ARHGAP15: variants seen among roughly 807,000 people sequenced by gnomAD.
ARHGAP15 encodes Rho GTPase activating protein 15.
ARHGAP15 carries 51 observed loss-of-function variants against 63.7 expected under a neutral mutation model. The observed-to-expected ratio is 0.80, with a 90% CI of 0.64 to 1.01. The LOEUF is 1.01. Among genes scored for constraint, ARHGAP15 ranks in the 50% least tolerant of loss-of-function variants. The pLI is 0.00. For missense variants in ARHGAP15, 560 were observed against 564.6 expected (o/e 0.99, Z 0.08); for synonymous variants, 191 against 193.8 (o/e 0.99, Z 0.12).
At chr2:143,258,942 G>A (rs1481291200) in intron 6 of ARHGAP15, among the ~76,000 whole-genome samples, 2 of 151,996 alleles carry the variant, frequency 1.3e-5, no homozygotes, top group Non-Finnish European at 2.9e-5. Flanking sequence ...TTAACAAATT[G>A]CTGAAGCACC....
At chr2:143,765,111 G>A (rs1017704549) in intron 13 of ARHGAP15, among the ~76,000 whole-genome samples, 1 of 34,698 alleles carries the variant, frequency 2.9e-5, no homozygotes. Flanking sequence ...TCTAAAATAT[G>A]TGTGTGTGTG....
chr2:143,129,588 A>C (rs962685878), intron 1 of ARHGAP15, 122 bp downstream of exon 1: 2 of 152,196 alleles, frequency 1.3e-5, no homozygotes, highest in Admixed American at 6.5e-5. Flanking sequence ...CCTGTGATTA[A>C]AACATTGGCT....
At chr2:143,334,217 T>C (rs1684673619) in intron 6 of ARHGAP15, among the ~76,000 whole-genome samples, 1 of 152,222 alleles carries the variant, frequency 6.6e-6, no homozygotes, top group Non-Finnish European at 1.5e-5. Context: ...CAGATCTCTC[T>C]AATTTTTCTT....
At chr2:143,378,243 T>C (rs929999839) in intron 6 of ARHGAP15, among the ~76,000 whole-genome samples, 20 of 152,144 alleles carry the variant, frequency 1.3e-4, no homozygotes, top group African/African-American at 4.8e-4. Flanking sequence ...CTTTTAGAAA[T>C]AACTTGTAGG....
rs535524893 is a variant in ARHGAP15 at position 143,631,415 on chromosome 2, A to G, written c.1138+7148A>G. 1.2e-4 allele frequency among the ~76,000 whole-genome samples: 18 copies of G among 152,208 alleles called. No homozygotes were observed. In the South Asian group the frequency reaches 3.5e-3, roughly 30 times the overall value. ...AATTGCTAAGCTGTTTTCCAAAGTC[A>G]TTGAGCCATTTTTCAATTCCCGTCA... On this transcript the variant is annotated intron_variant, in intron 12 of 13. Transcript: ENST00000295095.
intron 11 of ARHGAP15, among the ~76,000 whole-genome samples, chr2:143,585,552 TG>T (rs939902129): frequency 1.3e-5 from 2 of 152,174 alleles, no homozygotes; most frequent in Non-Finnish European, 2.9e-5. Flanking sequence ...AAATGTTTTA[TG>T]TTTAGTTCTA....
At chr2:143,265,909 T>C (rs527849214) in intron 6 of ARHGAP15, among the ~76,000 whole-genome samples, 1 of 152,244 alleles carries the variant, frequency 6.6e-6, no homozygotes, top group Admixed American at 6.5e-5. Context: ...TCAATTAAAT[T>C]AAAATTTAAA....
chr2:143,752,276 C>A (rs1300794235), intron 13 of ARHGAP15, among the ~76,000 whole-genome samples: 3 of 152,148 alleles, frequency 2.0e-5, no homozygotes, highest in Admixed American at 6.5e-5. Flanking sequence ...AGTAAAGGCC[C>A]CTATAATCAC....
intron 1 of ARHGAP15, among the ~76,000 whole-genome samples, chr2:143,143,628 C>A (rs899499152): frequency 2.0e-5 from 3 of 150,592 alleles, no homozygotes; most frequent in African/African-American, 7.3e-5. Context: ...AATCATCCAC[C>A]GCTGGAACAA....
intron 6 of ARHGAP15, among the ~76,000 whole-genome samples, chr2:143,274,073 T>A (rs1681427736): frequency 6.6e-6 from 1 of 152,182 alleles, no homozygotes; most frequent in African/African-American, 2.4e-5. Context: ...CTTTAAAATT[T>A]TTAAGTAAAA....
At chr2:143,752,298 C>A (rs531639790) in intron 13 of ARHGAP15, among the ~76,000 whole-genome samples, 4 of 152,334 alleles carry the variant, frequency 2.6e-5, no homozygotes, top group Admixed American at 1.3e-4. Context: ...TACAACTTTT[C>A]TGTAGAATAT....
chr2:143,226,979 G>T (rs1315180934), intron 4 of ARHGAP15, among the ~76,000 whole-genome samples: 1 of 152,084 alleles, frequency 6.6e-6, no homozygotes, highest in East Asian at 1.9e-4. Context: ...CATTTAAAAA[G>T]TATTTTGGTG....
At chr2:143,294,977 C>T (rs1192681156) in intron 6 of ARHGAP15, among the ~76,000 whole-genome samples, 1 of 152,008 alleles carries the variant, frequency 6.6e-6, no homozygotes, top group East Asian at 1.9e-4. Context: ...TTCTTCTAAG[C>T]ACTTTATATA....
chr2:143,201,440 T>C (rs749295691), intron 2 of ARHGAP15, among the ~76,000 whole-genome samples: 17 of 152,086 alleles, frequency 1.1e-4, no homozygotes, highest in Admixed American at 5.9e-4. Context: ...GTCTACAATG[T>C]ATAATAATCA....
chr2:143,477,225 CAT>C (rs201270531), intron 8 of ARHGAP15, among the ~76,000 whole-genome samples: 1 of 149,706 alleles, frequency 6.7e-6, no homozygotes, highest in African/African-American at 2.5e-5. Flanking sequence ...CACACACACA[CAT>C]ATACAGCAGC....
intron 11 of ARHGAP15, among the ~76,000 whole-genome samples, chr2:143,599,044 G>C (rs1246604480): frequency 6.6e-6 from 1 of 152,062 alleles, no homozygotes; most frequent in Non-Finnish European, 1.5e-5. Context: ...GAAAGGAAGG[G>C]AGAGTAGGGG....
intron 12 of ARHGAP15, among the ~76,000 whole-genome samples, chr2:143,673,744 G>GTA (rs1682655962): frequency 8.1e-5 from 2 of 24,694 alleles, no homozygotes; most frequent in African/African-American, 1.2e-4. Context: ...GTGTGTGTGT[G>GTA]TGTGTGTGTG....
At chr2:143,323,729 CA>C (rs368119245) in intron 6 of ARHGAP15, among the ~76,000 whole-genome samples, 2 of 150,616 alleles carry the variant, frequency 1.3e-5, no homozygotes, top group East Asian at 1.9e-4. Flanking sequence ...ACTAAAAATA[CA>C]AAAAAAATCA....
chr2:143,138,127 G>T (rs1468217811), intron 1 of ARHGAP15, among the ~76,000 whole-genome samples: 2 of 152,070 alleles, frequency 1.3e-5, no homozygotes, highest in Non-Finnish European at 2.9e-5. Context: ...TAAATTATTA[G>T]AGTGAGATTC....
Sources: allele counts gnomAD v4.1 joint callset (sites outside exome capture counted in the v4.1 genomes callset), GRCh38; gene constraint gnomAD v4.1.1; transcripts MANE v1.5; gene names NCBI Gene and HGNC (gene_info 2026-07-23, HGNC 2026-07-21).